Variants in PCDHGB2 observed in about 807,000 individuals in gnomAD.
The protein encoded by PCDHGB2 is protocadherin gamma subfamily B, 2, also known as protocadherin gamma-B2.
Under a neutral mutation model 59.3 loss-of-function variants are expected in PCDHGB2, and 55 were observed. The ratio of observed to expected loss-of-function variants is 0.93; its 90% confidence interval spans 0.75 to 1.16. PCDHGB2 has a LOEUF of 1.16. Ranked by LOEUF, PCDHGB2 falls within the 50% of genes most tolerant of loss-of-function variation. The pLI, the probability that PCDHGB2 is intolerant of heterozygous loss-of-function variation, is 0.00. For synonymous variants in PCDHGB2, 516 were observed against 512.0 expected, an observed-to-expected ratio of 1.01 and a Z score of -0.11; for missense variants, 1,228 against 1,198.5, an observed-to-expected ratio of 1.02 and a Z score of -0.36.
Position 141,404,333 on chromosome 5 carries a change from C to T in PCDHGB2, c.2421+41777C>T, listed in dbSNP as rs181615917. On this transcript the variant is annotated intron_variant, in intron 1 of 3. Transcript: ENST00000522605. ...CTCTCAAGCCTCCTACTCAGTCTACCTCCCGGAAAACAACGCCAGAGGTAC... is the reference window on the plus strand; with the variant it reads ...CTCTCAAGCCTCCTACTCAGTCTACTTCCCGGAAAACAACGCCAGAGGTAC... The T allele has an allele frequency of 3.8e-5, 62 of 1,613,854 alleles. No homozygotes were observed. The East Asian group carries it at 8.5e-4, about 22-fold the overall frequency.
intron 1 of PCDHGB2, among the ~76,000 whole-genome samples, chr5:141,466,790 A>C (rs1240777427): frequency 2.0e-5 from 3 of 152,210 alleles, no homozygotes; most frequent in Non-Finnish European, 2.9e-5. Context: ...TTAGTGCCTC[A>C]AACTAGATCC....
chr5:141,374,061 G>T, intron 1 of PCDHGB2: 1 of 1,493,670 alleles, frequency 6.7e-7, no homozygotes, highest in Non-Finnish European at 8.9e-7. Flanking sequence ...CTTAATCCCA[G>T]AGAAGTTCCT....
At position 141,511,241 on chromosome 5, in the gene PCDHGB2, C is replaced by T; in HGVS notation, c.*68C>T. On this transcript the variant is annotated 3_prime_UTR_variant, in exon 4 of 4. Transcript: ENST00000522605. ...CCAGCCCAGCTTCTCCTTACCTGCA[C>T]CCAGGCCTCAGAGTTTCAGGGCTAA... The T allele has an allele frequency of 2.5e-6, 4 of 1,585,214 alleles. No individual in the cohort carries two copies. Among genetic ancestry groups the T allele is most frequent in the Non-Finnish European group, 3.4e-6 (4 of 1,165,762 alleles).
At chr5:141,427,856 C>T (rs1487451079) in intron 1 of PCDHGB2, 6 of 1,553,060 alleles carry the variant, frequency 3.9e-6, no homozygotes, top group Non-Finnish European at 5.3e-6. Flanking sequence ...AGCAGCTGTG[C>T]GCCTTCGAGC....
At chr5:141,427,397 T>C (rs944166415) in intron 1 of PCDHGB2, 2 of 460,626 alleles carry the variant, frequency 4.3e-6, no homozygotes, top group South Asian at 1.5e-5. Flanking sequence ...AAACACATGA[T>C]AAAGATTCGA....
chr5:141,491,845 G>A lies in PCDHGB2; in HGVS notation c.2422-2962G>A. 6.8e-7 allele frequency: 1 copy of A among 1,463,944 alleles called. No homozygotes were observed. The highest frequency in any genetic ancestry group is 9.0e-7 in the Non-Finnish European group (1 of 1,106,126). 90.7% of individuals were successfully genotyped at this position (1,463,944 alleles called of 1,614,324 possible). ...CTCCACCCGATTCTCGGGATCATTGGACCGTTTGCGCGAAACCAGAGTGGC... is the reference window on the plus strand; with the variant it reads ...CTCCACCCGATTCTCGGGATCATTGAACCGTTTGCGCGAAACCAGAGTGGC... On this transcript the variant is annotated intron_variant, in intron 1 of 3. Coordinates refer to ENST00000522605, the MANE Select transcript of PCDHGB2 (RefSeq NM_018923.3). This position sits in a 1 kb window ranked among gnomAD's most constrained non-coding sequence, Gnocchi z 6.9.
chr5:141,389,230 T>G, intron 1 of PCDHGB2: 1 of 1,613,936 alleles, frequency 6.2e-7, no homozygotes, highest in Non-Finnish European at 8.5e-7. Flanking sequence ...AACGCTCCGG[T>G]TTTCTCACAG....
Position 141,362,545 on chromosome 5 carries a change from A to G in PCDHGB2, c.2410A>G (p.Thr804Ala), listed in dbSNP as rs1181876257. 6.2e-7 allele frequency: 1 copy of G among 1,613,638 alleles called. No individual in the cohort carries two copies. Residue 804 changes from threonine to alanine, a missense_variant, in exon 1 of 4, where the codon ACT (threonine) becomes GCT (alanine). This residue lies in a region of PCDHGB2 where 433 missense variants were observed against 441.8 expected (regional missense o/e 0.98). Transcript: ENST00000522605. ...GAAGVPFASD[T>A]ILKQAPPNTD... ...CGCTGGGGTCCCTTTTGCCTCAGATACTATTTTGAAGGTGAGCTTTAATTA... is the reference window on the plus strand; with the variant it reads ...CGCTGGGGTCCCTTTTGCCTCAGATGCTATTTTGAAGGTGAGCTTTAATTA...
At chr5:141,507,178 G>A (rs548016031) in intron 3 of PCDHGB2, 4 of 152,350 alleles carry the variant, frequency 2.6e-5, no homozygotes, top group East Asian at 3.9e-4. Flanking sequence ...CCTCTTCCTC[G>A]AGCTCTGCTT....
chr5:141,441,840 C>T (rs2098278154), intron 1 of PCDHGB2: 1 of 355,864 alleles, frequency 2.8e-6, no homozygotes, highest in Non-Finnish European at 5.5e-6. Flanking sequence ...GCTTCGCGCT[C>T]TTGGATATGG....
intron 1 of PCDHGB2, chr5:141,418,283 ATCAG>A: frequency 1.9e-6 from 3 of 1,613,996 alleles, no homozygotes; most frequent in Non-Finnish European, 2.5e-6. Context: ...AAACTTAGAA[ATCAG>A]TGAATCCGTC....
intron 1 of PCDHGB2, among the ~76,000 whole-genome samples, chr5:141,482,782 G>T (rs775083331): frequency 1.6e-4 from 25 of 152,154 alleles, no homozygotes; most frequent in Non-Finnish European, 3.2e-4. Context: ...ACCTTAAACT[G>T]TGTGTGTGGC....
chr5:141,494,677 TGCCCCCTCTTA>T, intron 1 of PCDHGB2, 119 bp from the exon 2 acceptor site: 5 of 1,552,906 alleles, frequency 3.2e-6, no homozygotes, highest in Non-Finnish European at 4.4e-6. Flanking sequence ...AGTCCACCCC[TGCCCCCTCTTA>T]GTCCGTTTTC....
intron 1 of PCDHGB2, chr5:141,415,006 C>A (rs1353721901): frequency 6.2e-7 from 1 of 1,613,652 alleles, no homozygotes; most frequent in Non-Finnish European, 8.5e-7. Context: ...GCTGTCCTAC[C>A]GTCTGCTCAA....
intron 2 of PCDHGB2, among the ~76,000 whole-genome samples, chr5:141,496,410 A>G (rs77823969): frequency 0.019 from 2,839 of 152,308 alleles, 40 homozygotes; most frequent in Middle Eastern, 0.082. Context: ...ATGGTTGAGT[A>G]CTTGCTGTCC....
At position 141,427,779 on chromosome 5, in the gene PCDHGB2, C is replaced by T. The variant is rs1196661076; in HGVS notation, c.2421+65223C>T. On this transcript the variant is annotated intron_variant, in intron 1 of 3. Transcript: ENST00000522605. Reference sequence around the variant, plus strand: ...TACCACTGACTTGGAGCTGCGGGCACTGTCGTCCTACGTGTCCGTGAGCGC... The same window carrying T: ...TACCACTGACTTGGAGCTGCGGGCATTGTCGTCCTACGTGTCCGTGAGCGC... 2.1e-6 allele frequency: 3 copies of T among 1,454,498 alleles called. No individual in the cohort carries two copies. The East Asian group carries it at 6.8e-5, about 33-fold the overall frequency. The allele number at this position is 1,454,498 out of a possible 1,614,324, so 90.1% of individuals were successfully genotyped here. A position where few individuals can be genotyped will look rare whatever the true frequency, so the allele number is the denominator to read the frequency against.
At chr5:141,455,239 G>A (rs1034181635) in intron 1 of PCDHGB2, among the ~76,000 whole-genome samples, 1 of 151,898 alleles carries the variant, frequency 6.6e-6, no homozygotes, top group African/African-American at 2.4e-5. Context: ...AAATGTTAAA[G>A]GTCATAGTAC....
intron 1 of PCDHGB2, chr5:141,409,728 C>T: frequency 6.2e-7 from 1 of 1,613,134 alleles, no homozygotes; most frequent in Non-Finnish European, 8.5e-7. Flanking sequence ...TCAGTGAGCG[C>T]GCAGAGCGGG....
intron 1 of PCDHGB2, chr5:141,441,330 C>T (rs919906372): frequency 8.5e-5 from 13 of 152,170 alleles, no homozygotes; most frequent in Admixed American, 1.3e-4. Context: ...AATCTTCCTC[C>T]AATAATTAAC....
Sources: gnomAD v4.1 joint callset for allele counts (sites outside exome capture counted in the v4.1 genomes callset) on GRCh38, gnomAD v4.1.1 for gene constraint, gnomAD v4.1.1 regional missense constraint, Gnocchi (gnomAD v3.1) non-coding constraint, MANE v1.5 for transcripts, NCBI Gene and HGNC (gene_info 2026-07-23, HGNC 2026-07-21) for gene names.